Variants in HDAC9 observed in about 807,000 individuals in gnomAD.
The protein encoded by HDAC9 is MEF-2 interacting transcription repressor (MITR) protein.
HDAC9 carries 41 observed loss-of-function variants against 139.4 expected under a neutral mutation model. The ratio of observed to expected loss-of-function variants is 0.29; its 90% CI spans 0.23 to 0.38. HDAC9 has a LOEUF of 0.38. Among genes scored for constraint, HDAC9 ranks in the 10% least tolerant of loss-of-function variants. The probability of loss-of-function intolerance (pLI) is 1.00; values close to 1 mark genes in which losing one functional copy is unlikely to be tolerated. For missense variants in HDAC9, 1,147 were observed against 1,297.0 expected (o/e 0.88, Z 1.78); for synonymous variants, 517 against 476.2 (o/e 1.09, Z -1.12).
chr7:18,426,452 G>A (rs919993582), intron 1 of HDAC9, among the ~76,000 whole-genome samples: 4 of 152,186 alleles, frequency 2.6e-5, no homozygotes, highest in Non-Finnish European at 5.9e-5. Context: ...TCCAGGGATA[G>A]CTATATAATT....
chr7:18,980,670 CTTG>C, intron 25 of HDAC9, among the ~76,000 whole-genome samples: 1 of 84,882 alleles, frequency 1.2e-5, no homozygotes, highest in African/African-American at 4.4e-5. Context: ...TCTTGTTCTT[CTTG>C]TTCTTGTTCT....
intron 22 of HDAC9, among the ~76,000 whole-genome samples, chr7:18,904,474 G>C (rs1802015844): frequency 6.6e-6 from 1 of 150,772 alleles, no homozygotes; most frequent in Admixed American, 6.6e-5. Context: ...AAAACATTTA[G>C]ATCCATAAAA....
intron 22 of HDAC9, among the ~76,000 whole-genome samples, chr7:18,924,278 A>G (rs766104504): frequency 1.3e-5 from 2 of 152,118 alleles, no homozygotes; most frequent in Non-Finnish European, 2.9e-5. Context: ...TCAATAACAA[A>G]TGTATAATAG....
At chr7:18,744,907 AAAAC>A (rs1787802710) in intron 13 of HDAC9, among the ~76,000 whole-genome samples, 2 of 152,188 alleles carry the variant, frequency 1.3e-5, no homozygotes, top group Non-Finnish European at 2.9e-5. Context: ...ATATATGTGG[AAAAC>A]AAACAACTGT....
At chr7:18,776,997 G>A (rs1790824550) in intron 16 of HDAC9, among the ~76,000 whole-genome samples, 1 of 147,100 alleles carries the variant, frequency 6.8e-6, no homozygotes, top group Non-Finnish European at 1.5e-5. Context: ...TGTGGCAATA[G>A]ATGATGAGAG....
chr7:18,796,549 C>G (rs1792816774), intron 17 of HDAC9, among the ~76,000 whole-genome samples: 1 of 152,152 alleles, frequency 6.6e-6, no homozygotes, highest in Non-Finnish European at 1.5e-5. Flanking sequence ...GACTTTCAGA[C>G]TTTCCAAGTT....
At chr7:18,810,521 C>G (rs1306562543) in intron 17 of HDAC9, among the ~76,000 whole-genome samples, 1 of 151,830 alleles carries the variant, frequency 6.6e-6, no homozygotes, top group African/African-American at 2.4e-5. Flanking sequence ...TCGATGATAT[C>G]ATTTATTTTT....
Position 18,829,586 on chromosome 7 carries a change from C to T in HDAC9, c.2466+38C>T, listed in dbSNP as rs748152436. The T allele has an allele frequency of 2.1e-5, 27 of 1,286,660 alleles. No individual in the cohort carries two copies. In the Admixed American group the frequency reaches 4.0e-4, roughly 19 times the overall value. The allele number at this position is 1,286,660 out of a possible 1,614,324, so 79.7% of individuals were successfully genotyped here. A position where few individuals can be genotyped will look rare whatever the true frequency, so the allele number is the denominator to read the frequency against. On this transcript the variant is annotated intron_variant, in intron 19 of 25. Coordinates refer to ENST00000686413, the MANE Select transcript of HDAC9 (RefSeq NM_178425.4). ...GGCCAGAGCTGCATTTTCAGTGATTCTAGATAAAGGGGAGTGGATTTGTAT... is the reference window on the plus strand; with the variant it reads ...GGCCAGAGCTGCATTTTCAGTGATTTTAGATAAAGGGGAGTGGATTTGTAT...
chr7:18,961,043 G>T lies in HDAC9; in HGVS notation c.3022+6813G>T, dbSNP rs187572103. On this transcript the variant is annotated intron_variant, in intron 24 of 25. Coordinates refer to ENST00000686413, the MANE Select transcript of HDAC9 (RefSeq NM_178425.4). Reference sequence around the variant, plus strand: ...ACACCAAAATTCTAACTCAAACTCAGTTTTTCCTCTTTCTTTTTGTCCCCA... The same window carrying T: ...ACACCAAAATTCTAACTCAAACTCATTTTTTCCTCTTTCTTTTTGTCCCCA... 2.4e-3 allele frequency among the ~76,000 whole-genome samples: 362 copies of T among 152,206 alleles called. 6 individuals are homozygous for T. The highest frequency in any genetic ancestry group is 8.2e-3 in the African/African-American group (340 of 41,530).
At chr7:18,800,693 TG>T (rs1413181574) in intron 17 of HDAC9, among the ~76,000 whole-genome samples, 1 of 151,904 alleles carries the variant, frequency 6.6e-6, no homozygotes. Flanking sequence ...ATTAGCCAGG[TG>T]GGGTGGCATG....
chr7:18,934,396 G>A (rs1781476664), intron 22 of HDAC9, among the ~76,000 whole-genome samples: 1 of 152,028 alleles, frequency 6.6e-6, no homozygotes, highest in Admixed American at 6.6e-5. Context: ...TAAAGCATTA[G>A]CAAAACAAAT....
chr7:18,477,633 C>T (rs1043921868), intron 1 of HDAC9, among the ~76,000 whole-genome samples: 2 of 152,066 alleles, frequency 1.3e-5, no homozygotes, highest in African/African-American at 4.8e-5. Context: ...CATTCATGAG[C>T]CTTTGAAACT....
At chr7:18,749,183 A>G in intron 14 of HDAC9, 45 bp downstream of exon 14, 1 of 1,589,894 alleles carries the variant, frequency 6.3e-7, no homozygotes, top group Non-Finnish European at 8.6e-7. Context: ...TAAATAAATC[A>G]TGTAAAGAGG....
chr7:18,419,470 A>G (rs894612222), intron 1 of HDAC9, among the ~76,000 whole-genome samples: 3 of 152,084 alleles, frequency 2.0e-5, no homozygotes, highest in Non-Finnish European at 2.9e-5. Context: ...TGCTCCATCT[A>G]CTGCCTCCAA....
At chr7:18,200,403 A>G (rs1791032077) in intron 2 of HDAC9, among the ~76,000 whole-genome samples, 1 of 152,194 alleles carries the variant, frequency 6.6e-6, no homozygotes, top group East Asian at 1.9e-4. Context: ...GGATCCCTGG[A>G]AAACTTCACT....
chr7:18,397,426 A>G (rs1349938878), intron 1 of HDAC9, among the ~76,000 whole-genome samples: 1 of 152,168 alleles, frequency 6.6e-6, no homozygotes, highest in African/African-American at 2.4e-5. Context: ...AAAGCTCTTC[A>G]TTAAGGCAAA....
At chr7:18,860,076 C>G (rs1797996843) in intron 21 of HDAC9, among the ~76,000 whole-genome samples, 1 of 151,350 alleles carries the variant, frequency 6.6e-6, no homozygotes, top group Admixed American at 6.6e-5. Flanking sequence ...ACACTGCACC[C>G]CACCGAAAGG....
chr7:18,329,670 A>C (rs1181052001), intron 1 of HDAC9, among the ~76,000 whole-genome samples: 1 of 151,774 alleles, frequency 6.6e-6, no homozygotes, highest in Non-Finnish European at 1.5e-5. Flanking sequence ...TCAGGGGATC[A>C]GATTGCTCAA....
chr7:18,662,632 A>G (rs1418580815), intron 11 of HDAC9, among the ~76,000 whole-genome samples: 3 of 152,076 alleles, frequency 2.0e-5, no homozygotes, highest in African/African-American at 7.2e-5. Flanking sequence ...ATAGCTTCAT[A>G]AATGTGCTGG....
Sources: gnomAD v4.1 joint callset for allele counts (sites outside exome capture counted in the v4.1 genomes callset) on GRCh38, gnomAD v4.1.1 for gene constraint, MANE v1.5 for transcripts, NCBI Gene and HGNC (gene_info 2026-07-23, HGNC 2026-07-21) for gene names.